Variants in RIN3 observed in about 807,000 individuals in gnomAD.
The protein encoded by RIN3 is RAB5 interacting protein 3.
A neutral mutation model predicts 76.3 loss-of-function variants in RIN3; 54 were observed. The ratio of observed to expected loss-of-function variants is 0.71; its 90% CI spans 0.57 to 0.89. The LOEUF is 0.89. Ranked by LOEUF, RIN3 falls within the 40% of genes least tolerant of loss-of-function variation. The probability of loss-of-function intolerance (pLI) is 0.00; values close to 1 mark genes in which losing one functional copy is unlikely to be tolerated. For missense variants in RIN3, 1,256 were observed against 1,322.1 expected (o/e 0.95, Z 0.78); for synonymous variants, 576 against 564.0 (o/e 1.02, Z -0.30).
chr14:92,676,514 T>C lies in RIN3; in HGVS notation c.2375T>C (p.Met792Thr), dbSNP rs1454495857. 2 of 1,614,054 alleles carry C rather than the reference T, an allele frequency of 1.2e-6. No individual in the cohort carries two copies. The highest frequency in any genetic ancestry group is 8.5e-7 in the Non-Finnish European group (1 of 1,180,014). Residue 792 changes from methionine to threonine, a missense_variant, in exon 8 of 10, where the codon ATG becomes ACG. Met to Thr is a moderately conservative substitution (Grantham distance 81, BLOSUM62 -1). Transcript: ENST00000216487. ...GCGGATGACTTCCTGCCTGTGCTCA[T>C]GTATGTGCTGGCCCGCAGCAACCTC... ...YGADDFLPVL[M>T]YVLARSNLTE...
intron 1 of RIN3, among the ~76,000 whole-genome samples, chr14:92,549,052 G>A (rs1897352315): frequency 6.6e-6 from 1 of 152,154 alleles, no homozygotes; most frequent in South Asian, 2.1e-4. Context: ...TGTACTCATG[G>A]TGCTTTGTCT....
chr14:92,567,318 A>C (rs1441510571), intron 2 of RIN3, among the ~76,000 whole-genome samples: 1 of 152,172 alleles, frequency 6.6e-6, no homozygotes, highest in Non-Finnish European at 1.5e-5. Flanking sequence ...AACAGTCACT[A>C]TTTTATATTT....
intron 4 of RIN3, among the ~76,000 whole-genome samples, chr14:92,621,308 G>A (rs376022281): frequency 8.7e-4 from 128 of 146,816 alleles, no homozygotes; most frequent in Admixed American, 2.1e-3. Flanking sequence ...TTTTACTGTC[G>A]ATGAAGAGTC....
At chr14:92,604,929 TTTTTTTTTTTTTTG>T in intron 3 of RIN3, among the ~76,000 whole-genome samples, 1 of 71,400 alleles carries the variant, frequency 1.4e-5, no homozygotes, top group East Asian at 4.4e-4. Context: ...TTTTTTTTTT[TTTTTTTTTTTTTTG>T]AGATGGAGGG....
intron 1 of RIN3, among the ~76,000 whole-genome samples, chr14:92,523,851 G>A (rs1373495040): frequency 6.6e-6 from 1 of 152,088 alleles, no homozygotes; most frequent in African/African-American, 2.4e-5. Context: ...CCATGCCAGT[G>A]TTCTCCAGCT....
intron 7 of RIN3, among the ~76,000 whole-genome samples, chr14:92,675,641 A>C (rs1328946002): frequency 6.6e-6 from 1 of 152,226 alleles, no homozygotes; most frequent in Non-Finnish European, 1.5e-5. Flanking sequence ...TCTCCAGTGC[A>C]CTTGCAGAGT....
At chr14:92,556,290 G>A (rs911718135) in intron 2 of RIN3, among the ~76,000 whole-genome samples, 92 of 152,108 alleles carry the variant, frequency 6.0e-4, no homozygotes, top group African/African-American at 2.1e-3. Flanking sequence ...TGACTTTGGG[G>A]GCTCAGCCAG....
chr14:92,543,783 A>C (rs1485389126), intron 1 of RIN3, among the ~76,000 whole-genome samples: 2 of 151,702 alleles, frequency 1.3e-5, no homozygotes, highest in Non-Finnish European at 2.9e-5. Flanking sequence ...GGATTTCACT[A>C]TGTTGGCCAG....
At chr14:92,556,539 G>A (rs574710710) in intron 2 of RIN3, among the ~76,000 whole-genome samples, 35 of 152,142 alleles carry the variant, frequency 2.3e-4, no homozygotes, top group African/African-American at 8.2e-4. Flanking sequence ...GAAGATAGAT[G>A]ATGGATGGAT....
chr14:92,661,393 G>A (rs1007779923), intron 7 of RIN3, among the ~76,000 whole-genome samples: 1 of 152,146 alleles, frequency 6.6e-6, no homozygotes, highest in African/African-American at 2.4e-5. Context: ...TCACATTTTT[G>A]TGGTAAACTG....
At chr14:92,610,733 A>C (rs1036747275) in intron 3 of RIN3, among the ~76,000 whole-genome samples, 10 of 152,148 alleles carry the variant, frequency 6.6e-5, no homozygotes, top group Admixed American at 2.0e-4. Flanking sequence ...AGAGGCAAGG[A>C]GGTGGGAGTG....
intron 4 of RIN3, among the ~76,000 whole-genome samples, chr14:92,621,253 A>AAAAAAAT (rs1886169694): frequency 6.6e-6 from 1 of 151,528 alleles, no homozygotes; most frequent in Non-Finnish European, 1.5e-5. Flanking sequence ...AAAAAAAAAA[A>AAAAAAAT]AAGAATTACC....
At chr14:92,571,115 G>A (rs1415019958) in intron 2 of RIN3, among the ~76,000 whole-genome samples, 3 of 152,216 alleles carry the variant, frequency 2.0e-5, no homozygotes, top group African/African-American at 4.8e-5. Flanking sequence ...GGCAAATGCC[G>A]AGCTGTAACC....
chr14:92,556,818 A>T (rs1440154591), intron 2 of RIN3, among the ~76,000 whole-genome samples: 2 of 152,224 alleles, frequency 1.3e-5, no homozygotes, highest in Non-Finnish European at 2.9e-5. Context: ...AAAAGTAAAG[A>T]TCTTTTCCAC....
In RIN3 at chr14:92,514,213, G is replaced by A. The variant is rs1278801888; in HGVS notation, c.44+237G>A. Among the ~76,000 whole-genome samples the A allele has an allele frequency of 6.6e-6, 1 of 152,148 alleles. No homozygotes were observed. Among genetic ancestry groups the A allele is most frequent in the Non-Finnish European group, 1.5e-5 (1 of 68,022 alleles). On this transcript the variant is annotated intron_variant, in intron 1 of 9. Coordinates refer to ENST00000216487, the MANE Select transcript of RIN3 (RefSeq NM_024832.5). The surrounding 1 kb of genome is among the most constrained non-coding windows in gnomAD (Gnocchi z 7.2). ...AACTTTCAAGGCCAGGCATTTCACTGGGAACCCAGTGCACACTTTAGGCTG... is the reference window on the plus strand; with the variant it reads ...AACTTTCAAGGCCAGGCATTTCACTAGGAACCCAGTGCACACTTTAGGCTG...
Position 92,589,538 on chromosome 14 carries a change from C to A in RIN3, c.367+12061C>A, listed in dbSNP as rs543303336. Among the ~76,000 whole-genome samples, 4 of 152,266 alleles carry A rather than the reference C, an allele frequency of 2.6e-5. No individual in the cohort carries two copies. In the South Asian group the frequency reaches 8.3e-4, roughly 32 times the overall value. On this transcript the variant is annotated intron_variant, in intron 3 of 9. Coordinates refer to ENST00000216487, the MANE Select transcript of RIN3 (RefSeq NM_024832.5). ...TGGACTGAGAGGGTGGGCTTTGGAACCCAGTGGATCCAAATTAAAATCCCA... is the reference window on the plus strand; with the variant it reads ...TGGACTGAGAGGGTGGGCTTTGGAAACCAGTGGATCCAAATTAAAATCCCA...
Position 92,514,959 on chromosome 14 carries a change from C to A in RIN3, c.44+983C>A, listed in dbSNP as rs1896398360. The stretch of plus-strand genomic sequence containing the variant: ...TCTCTGATGGACACCCTGCCGCTCC[C>A]TGGCTTGGCAGTGGGACCTCATCTC... On this transcript the variant is annotated intron_variant, in intron 1 of 9. Coordinates refer to ENST00000216487, the MANE Select transcript of RIN3 (RefSeq NM_024832.5). The surrounding 1 kb of genome is among the most constrained non-coding windows in gnomAD (Gnocchi z 7.2). Among the ~76,000 whole-genome samples, 1 of 152,220 alleles carries A rather than the reference C, an allele frequency of 6.6e-6. No homozygotes were observed. Among genetic ancestry groups the A allele is most frequent in the South Asian group, 2.1e-4 (1 of 4,834 alleles).
chr14:92,677,350 C>A (rs1888503278), intron 8 of RIN3, among the ~76,000 whole-genome samples: 1 of 152,146 alleles, frequency 6.6e-6, no homozygotes, highest in Admixed American at 6.5e-5. Context: ...TCTGAGGGAG[C>A]CCTGACTTCC....
At chr14:92,678,185 CCCAT>C (rs892278317) in intron 8 of RIN3, among the ~76,000 whole-genome samples, 2 of 146,996 alleles carry the variant, frequency 1.4e-5, no homozygotes, top group Non-Finnish European at 3.0e-5. Context: ...CACCCATTCA[CCCAT>C]CCATCCATCC....
Sources: gnomAD v4.1 joint callset for allele counts (sites outside exome capture counted in the v4.1 genomes callset) on GRCh38, gnomAD v4.1.1 for gene constraint, Gnocchi (gnomAD v3.1) non-coding constraint, MANE v1.5 for transcripts, NCBI Gene and HGNC (gene_info 2026-07-23, HGNC 2026-07-21) for gene names.